Variants in CADM2 observed in about 807,000 individuals in gnomAD.
CADM2 encodes the protein cell adhesion molecule 2.
A neutral mutation model predicts 49.8 loss-of-function variants in CADM2; 12 were observed. That is an observed-to-expected ratio of 0.24 (90% CI 0.15 to 0.39). The LOEUF (loss-of-function observed/expected upper bound fraction) is 0.39. Among genes scored for constraint, CADM2 ranks in the 10% least tolerant of loss-of-function variants. CADM2 has a pLI of 1.00. For missense variants in CADM2, 378 were observed against 492.3 expected (o/e 0.77, Z 2.20); for synonymous variants, 214 against 175.4 (o/e 1.22, Z -1.74).
intron 1 of CADM2, among the ~76,000 whole-genome samples, chr3:85,347,637 ATACATATATATATATT>A (rs199738262): frequency 0.44 from 61,564 of 139,518 alleles, 14,703 homozygotes; most frequent in East Asian, 0.75. Flanking sequence ...ATAAATATAT[ATACATATATATATATT>A]TTTTTTAAGA....
intron 2 of CADM2, among the ~76,000 whole-genome samples, chr3:85,766,689 T>G (rs938832247): frequency 6.6e-5 from 10 of 152,174 alleles, no homozygotes; most frequent in Non-Finnish European, 1.5e-4. Flanking sequence ...AGTTCAGATA[T>G]ATTTTCCTGA....
At chr3:85,825,795 T>C (rs1277518089) in intron 3 of CADM2, among the ~76,000 whole-genome samples, 1 of 152,056 alleles carries the variant, frequency 6.6e-6, no homozygotes, top group African/African-American at 2.4e-5. Flanking sequence ...CAAATGTTTT[T>C]TGTTTACATG....
intron 1 of CADM2, among the ~76,000 whole-genome samples, chr3:85,216,374 T>G (rs922198518): frequency 1.4e-5 from 2 of 147,444 alleles, no homozygotes; most frequent in African/African-American, 5.0e-5. Flanking sequence ...ATATTTAATA[T>G]TAATGTACAC....
At chr3:85,596,869 A>T (rs142693601) in intron 1 of CADM2, among the ~76,000 whole-genome samples, 24 of 152,102 alleles carry the variant, frequency 1.6e-4, no homozygotes, top group African/African-American at 5.5e-4. Flanking sequence ...GGCATGCCCC[A>T]CCACGCCCAG....
chr3:85,260,646 C>T (rs1230412196), intron 1 of CADM2, among the ~76,000 whole-genome samples: 1 of 152,138 alleles, frequency 6.6e-6, no homozygotes, highest in Non-Finnish European at 1.5e-5. Flanking sequence ...CAAGACACTG[C>T]TATGGGCTGC....
chr3:85,176,345 C>G (rs908070642), intron 1 of CADM2, among the ~76,000 whole-genome samples: 22 of 152,214 alleles, frequency 1.4e-4, no homozygotes, highest in Admixed American at 1.3e-3. Context: ...TTCTGTTAAA[C>G]AGGTATTGCC....
At chr3:84,992,965 G>A (rs2032974505) in intron 1 of CADM2, among the ~76,000 whole-genome samples, 1 of 152,270 alleles carries the variant, frequency 6.6e-6, no homozygotes, top group Non-Finnish European at 1.5e-5. Flanking sequence ...TAGATTGGAT[G>A]TTGAAGGTTG....
chr3:85,407,725 G>A (rs2107459033), intron 1 of CADM2, among the ~76,000 whole-genome samples: 2 of 152,232 alleles, frequency 1.3e-5, no homozygotes, highest in South Asian at 4.1e-4. Flanking sequence ...GCTCACAACT[G>A]TAATCTCAGC....
At chr3:85,852,027 T>C (rs1020497243) in intron 3 of CADM2, among the ~76,000 whole-genome samples, 2 of 152,060 alleles carry the variant, frequency 1.3e-5, no homozygotes, top group Non-Finnish European at 2.9e-5. Flanking sequence ...CCTACATGGA[T>C]CTGGAGGTCT....
chr3:85,335,104 T>C (rs528162535), intron 1 of CADM2, among the ~76,000 whole-genome samples: 6 of 151,626 alleles, frequency 4.0e-5, no homozygotes, highest in Admixed American at 1.3e-4. Flanking sequence ...ATGTTCGGTC[T>C]TCATGAGAAC....
At chr3:85,283,111 T>C (rs1167440682) in intron 1 of CADM2, among the ~76,000 whole-genome samples, 2 of 152,056 alleles carry the variant, frequency 1.3e-5, no homozygotes, top group African/African-American at 4.8e-5. Flanking sequence ...TATGGCAAGT[T>C]CAATTTTATA....
intron 8 of CADM2, among the ~76,000 whole-genome samples, chr3:86,049,662 G>A (rs1737112719): frequency 6.6e-6 from 1 of 152,120 alleles, no homozygotes; most frequent in Admixed American, 6.5e-5. Flanking sequence ...CTGGCATGGG[G>A]GGCAGGCATC....
rs373768594 is a variant in CADM2, at chr3:85,514,068, A to G, written c.62-212454A>G. Among the ~76,000 whole-genome samples the G allele has an allele frequency of 5.9e-5, 9 of 152,198 alleles. No homozygotes were observed. The South Asian group carries it at 6.2e-4, about 10-fold the overall frequency. Reference sequence around the variant, plus strand: ...ACTCTTTGAATCACTTACTTCTTACAATGACATAATTCTTTCATGTGCCAG... The same window carrying G: ...ACTCTTTGAATCACTTACTTCTTACGATGACATAATTCTTTCATGTGCCAG... On this transcript the variant is annotated intron_variant, in intron 1 of 9. Coordinates refer to ENST00000383699, the MANE Select transcript of CADM2 (RefSeq NM_001167675.2).
At chr3:85,486,908 A>G (rs115251164) in intron 1 of CADM2, among the ~76,000 whole-genome samples, 2,142 of 151,996 alleles carry the variant, frequency 0.014, 24 homozygotes, top group Non-Finnish European at 0.022. Context: ...CTTAAGTTTT[A>G]CCTTTGAATA....
rs1335351460 is a variant in CADM2 at position 85,568,485 on chromosome 3, T to C, written c.62-158037T>C. 2.2e-3 allele frequency among the ~76,000 whole-genome samples: 121 copies of C among 56,094 alleles called. 3 individuals are homozygous for C. The highest frequency in any genetic ancestry group is 4.7e-3 in the African/African-American group (103 of 21,882). The allele number at this position is 56,094 out of a possible 152,430, so 36.8% of individuals were successfully genotyped here. A position where few individuals can be genotyped will look rare whatever the true frequency, so the allele number is the denominator to read the frequency against. Reference sequence around the variant, plus strand: ...TTTCTCTTTCTCTCTCTTTCTTTCTTTCTTTCTTTCTTTCTTTCTTTCTTT... The same window carrying C: ...TTTCTCTTTCTCTCTCTTTCTTTCTCTCTTTCTTTCTTTCTTTCTTTCTTT... On this transcript the variant is annotated intron_variant, in intron 1 of 9. Transcript: ENST00000383699.
intron 2 of CADM2, among the ~76,000 whole-genome samples, chr3:85,775,950 G>A (rs1650345103): frequency 1.3e-5 from 2 of 151,718 alleles, no homozygotes; most frequent in African/African-American, 4.8e-5. Context: ...TTTTAGTACA[G>A]GCAACTATTT....
At chr3:86,033,624 T>C (rs1734798115) in intron 8 of CADM2, among the ~76,000 whole-genome samples, 1 of 149,584 alleles carries the variant, frequency 6.7e-6, no homozygotes, top group Non-Finnish European at 1.5e-5. Context: ...TCTCTTTTAG[T>C]CTTCCTTATG....
At chr3:85,755,687 G>A (rs1403207284) in intron 2 of CADM2, among the ~76,000 whole-genome samples, 2 of 152,114 alleles carry the variant, frequency 1.3e-5, no homozygotes, top group African/African-American at 4.8e-5. Flanking sequence ...GCTGGAGCAG[G>A]AGGAAGTGAG....
chr3:85,052,636 C>T (rs1182890609), intron 1 of CADM2, among the ~76,000 whole-genome samples: 4 of 152,032 alleles, frequency 2.6e-5, no homozygotes, highest in Non-Finnish European at 5.9e-5. Context: ...TTCTAAGGAA[C>T]AGAGAAGTCA....
Sources: allele counts gnomAD v4.1 joint callset (sites outside exome capture counted in the v4.1 genomes callset), GRCh38; gene constraint gnomAD v4.1.1; transcripts MANE v1.5; gene names NCBI Gene and HGNC (gene_info 2026-07-23, HGNC 2026-07-21).